PTK2: variants seen among roughly 807,000 people sequenced by gnomAD.
The protein encoded by PTK2 is protein tyrosine kinase 2.
Under a neutral mutation model 150.1 loss-of-function variants are expected in PTK2, and 45 were observed. The observed-to-expected ratio is 0.30, with a 90% CI of 0.24 to 0.38. The LOEUF (loss-of-function observed/expected upper bound fraction) is 0.38, where lower values mean the gene tolerates loss of function less well. Ranked by LOEUF, PTK2 falls within the 10% of genes least tolerant of loss-of-function variation. PTK2 has a pLI of 1.00. For missense variants in PTK2, 919 were observed against 1,307.3 expected (o/e 0.70, Z 4.58); for synonymous variants, 432 against 449.2 (o/e 0.96, Z 0.48).
chr8:140,956,919 G>C (rs562064442), intron 1 of PTK2, among the ~76,000 whole-genome samples: 2 of 151,804 alleles, frequency 1.3e-5, no homozygotes, highest in African/African-American at 2.4e-5. Context: ...AAATTAGCCG[G>C]GCATGGTGAC....
intron 19 of PTK2, among the ~76,000 whole-genome samples, chr8:140,743,745 G>A (rs558873249): frequency 2.6e-5 from 4 of 151,600 alleles, no homozygotes; most frequent in Non-Finnish European, 4.4e-5. Flanking sequence ...TTTTGCTGAT[G>A]CAGCTTATTT....
chr8:140,687,808 G>A (rs2100020867), intron 26 of PTK2, among the ~76,000 whole-genome samples: 1 of 152,206 alleles, frequency 6.6e-6, no homozygotes. Context: ...CACCATTAAG[G>A]TAAGAGTGAT....
intron 26 of PTK2, among the ~76,000 whole-genome samples, chr8:140,696,157 G>C (rs1027717352): frequency 1.3e-5 from 2 of 152,178 alleles, no homozygotes; most frequent in Admixed American, 1.3e-4. Flanking sequence ...CGGTACGATG[G>C]GAGCTGGGGG....
At position 140,762,308 on chromosome 8, in the gene PTK2, A is replaced by G. The variant is rs114967805; in HGVS notation, c.1235-1046T>C. On this transcript the variant is annotated intron_variant, in intron 15 of 31. Transcript: ENST00000522684. Reference sequence around the variant, plus strand: ...AGTTAACCAAAAACTGAAACATCCCATATCACTCCACAGGTTGCAATTGCA... The same window carrying G: ...AGTTAACCAAAAACTGAAACATCCCGTATCACTCCACAGGTTGCAATTGCA... The G allele has an allele frequency of 9.7e-4, 975 of 1,006,286 alleles. 4 individuals carry two copies. In the African/African-American group the frequency reaches 0.015, roughly 15 times the overall value. The allele number at this position is 1,006,286 out of a possible 1,614,324, so 62.3% of individuals were successfully genotyped here. A position where few individuals can be genotyped will look rare whatever the true frequency, so the allele number is the denominator to read the frequency against.
chr8:140,928,957 ATTTTT>A (rs34658967), intron 1 of PTK2, among the ~76,000 whole-genome samples: 8 of 92,202 alleles, frequency 8.7e-5, no homozygotes, highest in Non-Finnish European at 1.2e-4. Context: ...TTTTATCACA[ATTTTT>A]TTTTTTTTTT....
At chr8:140,878,027 A>C (rs1331094619) in intron 4 of PTK2, among the ~76,000 whole-genome samples, 1 of 152,196 alleles carries the variant, frequency 6.6e-6, no homozygotes, top group East Asian at 1.9e-4. Flanking sequence ...AGACCAGCCC[A>C]AGCAACACAG....
intron 1 of PTK2, among the ~76,000 whole-genome samples, chr8:140,951,211 A>G (rs529335236): frequency 1.1e-4 from 17 of 152,126 alleles, no homozygotes; most frequent in Non-Finnish European, 2.1e-4. Context: ...TTGCTTGCCT[A>G]GAGTTCTGGT....
In PTK2 at chr8:140,673,695, AG is replaced by A. The variant is rs368232386; in HGVS notation, c.2709+602del. ...ACTCGGTGAGGGCTGGTGGGGACCCAGGAGAGTCACAGGCGCCAACAGTTCC... is the reference window on the plus strand; with the variant it reads ...ACTCGGTGAGGGCTGGTGGGGACCCAGAGAGTCACAGGCGCCAACAGTTCC... On this transcript the variant is annotated intron_variant, in intron 29 of 31. Coordinates refer to ENST00000522684, the Ensembl canonical transcript of PTK2. Among the ~76,000 whole-genome samples, 342 of 152,244 alleles carry A rather than the reference AG, an allele frequency of 2.2e-3. 1 individual carries two copies. Among genetic ancestry groups the A allele is most frequent in the African/African-American group, 7.1e-3 (297 of 41,540 alleles).
intron 1 of PTK2, among the ~76,000 whole-genome samples, chr8:140,998,983 C>T (rs1031534815): frequency 6.6e-6 from 1 of 152,140 alleles, no homozygotes; most frequent in Non-Finnish European, 1.5e-5. Context: ...TAGTATAAAA[C>T]GTTTTAATGA....
rs2100056773 is a variant in PTK2, at chr8:140,743,333, G to A, written c.1635-3C>T. ...GAACATTCCGAGCAGCAATGTCCCT[G>A]ATAAAGAAGAATTTGAGACAATAAG... On this transcript the variant is annotated splice_region_variant and splice_polypyrimidine_tract_variant and intron_variant, in intron 19 of 31. Transcript: ENST00000522684. 6.2e-7 allele frequency: 1 copy of A among 1,607,570 alleles called. No individual in the cohort carries two copies. The highest frequency in any genetic ancestry group is 8.5e-7 in the Non-Finnish European group (1 of 1,175,068).
At chr8:140,995,762 A>G (rs997165945) in intron 1 of PTK2, among the ~76,000 whole-genome samples, 2 of 152,274 alleles carry the variant, frequency 1.3e-5, no homozygotes, top group South Asian at 4.1e-4. Flanking sequence ...TGGGGCACAA[A>G]GCGAGACTCT....
intron 31 of PTK2, among the ~76,000 whole-genome samples, chr8:140,661,244 T>C (rs2079420463): frequency 6.6e-6 from 1 of 152,210 alleles, no homozygotes; most frequent in Non-Finnish European, 1.5e-5. Flanking sequence ...TCTAGAAAGA[T>C]GGCTCTTGGC....
rs150198715 is a variant in PTK2 at position 140,842,123 on chromosome 8, T to C, written c.593+4137A>G. 4.5e-3 allele frequency among the ~76,000 whole-genome samples: 685 copies of C among 152,210 alleles called. 4 individuals carry two copies. The highest frequency in any genetic ancestry group is 0.016 in the African/African-American group (650 of 41,574). On this transcript the variant is annotated intron_variant, in intron 7 of 31. Coordinates refer to ENST00000522684, the Ensembl canonical transcript of PTK2. ...ACTATGCATTGAATGTGCACACAAG[T>C]GTTAAAACAGAGAGCTATAAGGATA... is the stretch of plus-strand genomic sequence containing the variant.
At position 140,697,852 on chromosome 8, in the gene PTK2, GTTTTTTTTT is replaced by G. The variant is rs71308981; in HGVS notation, c.2499+3030_2499+3038del. Reference sequence around the variant, plus strand: ...GATCCTCCTCCCTTTAGGGTTTACTGTTTTTTTTTTTTTTTTTTTTTTTTTTTTTGCCAC... The same window carrying G: ...GATCCTCCTCCCTTTAGGGTTTACTGTTTTTTTTTTTTTTTTTTTTGCCAC... On this transcript the variant is annotated intron_variant, in intron 26 of 31. Transcript: ENST00000522684. Among the ~76,000 whole-genome samples, 14 of 48,026 alleles carry G rather than the reference GTTTTTTTTT, an allele frequency of 2.9e-4. 1 individual carries two copies. The South Asian group carries it at 6.7e-3, about 23-fold the overall frequency. 31.5% of individuals were successfully genotyped at this position (48,026 alleles called of 152,430 possible).
In PTK2 at chr8:140,710,664, C is replaced by T. The variant is rs12674941; in HGVS notation, c.2143-4459G>A. The stretch of plus-strand genomic sequence containing the variant: ...GCAGCCTGGGCAACAGAGTGAGACT[C>T]TGTCTCAAAAAACAGAACAAGCCAA... On this transcript the variant is annotated intron_variant, in intron 23 of 31. Transcript: ENST00000522684. 6.4e-4 allele frequency among the ~76,000 whole-genome samples: 98 copies of T among 152,238 alleles called. No homozygotes were observed. In the East Asian group the frequency reaches 0.018, roughly 27 times the overall value.
chr8:140,748,496 C>CAAAA (rs61423469), intron 17 of PTK2, among the ~76,000 whole-genome samples: 7 of 111,554 alleles, frequency 6.3e-5, no homozygotes, highest in African/African-American at 2.3e-4. Context: ...GACTCTGTCT[C>CAAAA]AAAAAAAAAA....
intron 7 of PTK2, among the ~76,000 whole-genome samples, chr8:140,841,824 C>T (rs1350251862): frequency 1.3e-5 from 2 of 151,884 alleles, no homozygotes; most frequent in Admixed American, 1.3e-4. Flanking sequence ...GGTTTAATAT[C>T]ACCAGTAATC....
At position 140,668,426 on chromosome 8, in the gene PTK2, T is replaced by G; in HGVS notation, c.2710-2A>C. On this transcript the variant is annotated splice_acceptor_variant, in intron 29 of 31. Coordinates refer to ENST00000522684, the Ensembl canonical transcript of PTK2. LOFTEE classifies it high-confidence loss of function. ...GGGGCTGATTTCCTGGGGCTGAAGC[T>G]GACAACACAGAAGCCAGTCATTTTT... 6.2e-7 allele frequency: 1 copy of G among 1,606,966 alleles called. No individual in the cohort carries two copies. The highest frequency in any genetic ancestry group is 8.5e-7 in the Non-Finnish European group (1 of 1,176,732).
intron 7 of PTK2, among the ~76,000 whole-genome samples, chr8:140,837,825 G>A (rs558106897): frequency 1.7e-3 from 250 of 151,360 alleles, no homozygotes; most frequent in Non-Finnish European, 2.6e-3. Context: ...TTAGAAGGCC[G>A]ATGCGGGCTG....
Sources: allele counts gnomAD v4.1 joint callset (sites outside exome capture counted in the v4.1 genomes callset), GRCh38; gene constraint gnomAD v4.1.1; transcripts MANE v1.5; gene names NCBI Gene and HGNC (gene_info 2026-07-23, HGNC 2026-07-21).